The following RBM38 variants were observed in gnomAD, a reference collection of about 807,000 sequenced individuals.
RBM38 encodes the protein RNA binding motif protein 38.
A neutral mutation model predicts 23.5 loss-of-function variants in RBM38; 11 were observed. The ratio of observed to expected loss-of-function variants is 0.47; its 90% CI spans 0.29 to 0.77. The LOEUF (loss-of-function observed/expected upper bound fraction) is 0.77, where lower values mean the gene tolerates loss of function less well. Among genes scored for constraint, RBM38 ranks in the 30% least tolerant of loss-of-function variants. The pLI is 0.08. For synonymous variants in RBM38, 165 were observed against 166.1 expected, an observed-to-expected ratio of 0.99 and a Z score of 0.05; for missense variants, 330 against 351.9, an observed-to-expected ratio of 0.94 and a Z score of 0.50.
chr20:57,392,455 G>C, intron 1 of RBM38, 199 bp from the exon 2 acceptor site: 1 of 1,532,736 alleles, frequency 6.5e-7, no homozygotes, highest in Non-Finnish European at 8.7e-7. Flanking sequence ...GACGGGAGGA[G>C]CTGGAATCCA....
chr20:57,396,986 G>A (rs974695289), intron 3 of RBM38, among the ~76,000 whole-genome samples: 3 of 152,222 alleles, frequency 2.0e-5, no homozygotes, highest in Non-Finnish European at 4.4e-5. Flanking sequence ...GACAGGACAC[G>A]GCCACCACAG....
intron 3 of RBM38, among the ~76,000 whole-genome samples, chr20:57,401,394 C>T (rs992023404): frequency 2.6e-5 from 4 of 152,182 alleles, no homozygotes; most frequent in African/African-American, 7.2e-5. Context: ...GCCTGTCCCT[C>T]CAGCCTGCCC....
In RBM38 at chr20:57,392,587, G is replaced by A. The variant is rs576386174; in HGVS notation, c.238-67G>A. On this transcript the variant is annotated intron_variant, in intron 1 of 3. Coordinates refer to ENST00000356208, the MANE Select transcript of RBM38 (RefSeq NM_017495.6). ...GGTGGCAGCATCCGGTGCCAGGGCG[G>A]AGCCGTCTGCCCCTTTCGCCCCTGG... The A allele has an allele frequency of 6.6e-5, 102 of 1,543,436 alleles. 2 individuals are homozygous for A. In the South Asian group the frequency reaches 1.1e-3, roughly 17 times the overall value.
At chr20:57,404,765 G>A (rs920241434) in intron 3 of RBM38, among the ~76,000 whole-genome samples, 3 of 152,270 alleles carry the variant, frequency 2.0e-5, no homozygotes, top group Admixed American at 6.5e-5. Context: ...ATCGGGCAGC[G>A]TAGCGAGGTG....
intron 3 of RBM38, among the ~76,000 whole-genome samples, chr20:57,404,497 C>T (rs2067361883): frequency 6.6e-6 from 1 of 152,244 alleles, no homozygotes; most frequent in Non-Finnish European, 1.5e-5. Flanking sequence ...CCAGGGACAG[C>T]CTGCTGGGCA....
At chr20:57,395,765 AGAGCT>A (rs1383438459) in intron 3 of RBM38, among the ~76,000 whole-genome samples, 6 of 141,444 alleles carry the variant, frequency 4.2e-5, no homozygotes, top group Admixed American at 1.3e-4. Flanking sequence ...ACGGAGCTGG[AGAGCT>A]GGGCCGGAGC....
chr20:57,402,559 G>T (rs1357245051), intron 3 of RBM38, among the ~76,000 whole-genome samples: 2 of 152,222 alleles, frequency 1.3e-5, no homozygotes, highest in African/African-American at 4.8e-5. Context: ...GACACACTTG[G>T]TGGGTGGGGC....
Position 57,392,645 on chromosome 20 carries a change from C to T in RBM38, c.238-9C>T. On this transcript the variant is annotated splice_polypyrimidine_tract_variant and intron_variant, in intron 1 of 3. Transcript: ENST00000356208. ...CACGGCAGCCCCTGATGTGTCTCTGCTCCACCAGGTGACCATGGCCGACCG... is the reference window on the plus strand; with the variant it reads ...CACGGCAGCCCCTGATGTGTCTCTGTTCCACCAGGTGACCATGGCCGACCG... The T allele has an allele frequency of 1.2e-6, 2 of 1,609,712 alleles. No homozygotes were observed. Among genetic ancestry groups the T allele is most frequent in the Non-Finnish European group, 1.7e-6 (2 of 1,178,570 alleles).
Position 57,407,840 on chromosome 20 carries a change from G to T in RBM38, c.714G>T (p.Met238Ile). 1 of 1,561,304 alleles carries T rather than the reference G, an allele frequency of 6.4e-7. No homozygotes were observed. The highest frequency in any genetic ancestry group is 2.4e-5 in the East Asian group (1 of 42,134). The change falls in exon 4 of 4, where the codon ATG (methionine) becomes ATT (isoleucine). Residue 238 changes from methionine to isoleucine, a missense_variant. Coordinates refer to ENST00000356208, the MANE Select transcript of RBM38 (RefSeq NM_017495.6). This position sits in a 1 kb window ranked among gnomAD's most constrained non-coding sequence, Gnocchi z 4.0. Reference sequence around the variant, plus strand: ...CGCCGCAGCTGCAGCCTGACAGGATGCAGTGAGGGGCGTTCCTGCCCCGAG... The same window carrying T: ...CGCCGCAGCTGCAGCCTGACAGGATTCAGTGAGGGGCGTTCCTGCCCCGAG... ...YQAPQLQPDR[M>I]Q
chr20:57,407,559 A>G lies in RBM38; in HGVS notation c.433A>G (p.Ile145Val), dbSNP rs373452137. ...QRTYGLTPHY[I>V]YPPAIVQPSV... ...GCCCCACAGGCTGACCCCGCACTAC[A>G]TCTACCCACCAGCCATCGTGCAGCC... Residue 145 changes from isoleucine to valine, a missense_variant, in exon 4 of 4, where the codon ATC (isoleucine) becomes GTC (valine). This residue lies in a region of RBM38 where 227 missense variants were observed against 216.4 expected (regional missense o/e 1.05). Coordinates refer to ENST00000356208, the MANE Select transcript of RBM38 (RefSeq NM_017495.6). The surrounding 1 kb of genome is among the most constrained non-coding windows in gnomAD (Gnocchi z 4.0). 7.4e-6 allele frequency: 12 copies of G among 1,613,536 alleles called. No individual in the cohort carries two copies. The African/African-American group carries it at 8.0e-5, about 11-fold the overall frequency.
At position 57,407,450 on chromosome 20, in the gene RBM38, G is replaced by A; in HGVS notation, c.417-93G>A. On this transcript the variant is annotated intron_variant, in intron 3 of 3. Coordinates refer to ENST00000356208, the MANE Select transcript of RBM38 (RefSeq NM_017495.6). The surrounding 1 kb of genome is among the most constrained non-coding windows in gnomAD (Gnocchi z 4.0). ...CCGATGAGGAAAGTCGGGGCTCGGGGTGGGGGGCGGCACGCATCGTGTACC... is the reference window on the plus strand; with the variant it reads ...CCGATGAGGAAAGTCGGGGCTCGGGATGGGGGGCGGCACGCATCGTGTACC... 2.2e-6 allele frequency: 3 copies of A among 1,391,040 alleles called. No individual in the cohort carries two copies. The highest frequency in any genetic ancestry group is 2.9e-6 in the Non-Finnish European group (3 of 1,016,958). The allele number at this position is 1,391,040 out of a possible 1,614,324, so 86.2% of individuals were successfully genotyped here.
rs2067406515 is a variant in RBM38, at chr20:57,408,047, T to G, written c.*201T>G. On this transcript the variant is annotated 3_prime_UTR_variant, in exon 4 of 4. Coordinates refer to ENST00000356208, the MANE Select transcript of RBM38 (RefSeq NM_017495.6). The stretch of plus-strand genomic sequence containing the variant: ...TCTCTTTAATCTAGGTCCCATTGTG[T>G]CTTGAGGGAGGACTTTAAGAATGAC... 3.1e-6 allele frequency: 2 copies of G among 641,728 alleles called. No homozygotes were observed. The highest frequency in any genetic ancestry group is 5.9e-5 in the Admixed American group (2 of 33,896). The allele number at this position is 641,728 out of a possible 1,614,324, so 39.8% of individuals were successfully genotyped here.
intron 2 of RBM38, chr20:57,392,985 A>T: frequency 1.3e-6 from 1 of 748,908 alleles, no homozygotes; most frequent in Non-Finnish European, 2.1e-6. Flanking sequence ...GGCGGGGGGC[A>T]GGGAGGGTAC....
chr20:57,394,641 C>G (rs328492), intron 3 of RBM38, among the ~76,000 whole-genome samples: 83,889 of 151,838 alleles, frequency 0.55, 25,004 homozygotes, highest in East Asian at 0.95. Context: ...GTCCTGGAAT[C>G]TGTTTTGTAG....
intron 3 of RBM38, among the ~76,000 whole-genome samples, chr20:57,396,619 A>G (rs1033405368): frequency 3.9e-5 from 6 of 152,190 alleles, no homozygotes; most frequent in African/African-American, 1.2e-4. Flanking sequence ...ACTCCCGTTC[A>G]CAGAGTGCCT....
chr20:57,394,196 A>G (rs1420072601), intron 3 of RBM38, among the ~76,000 whole-genome samples: 1 of 152,114 alleles, frequency 6.6e-6, no homozygotes, highest in Non-Finnish European at 1.5e-5. Context: ...CCAGTTGATC[A>G]CGTGTGTGTG....
chr20:57,392,758 G>A lies in RBM38; in HGVS notation c.342G>A (p.Lys114=), dbSNP rs756877467. 1 of 1,613,132 alleles carries A rather than the reference G, an allele frequency of 6.2e-7. No homozygotes were observed. The highest frequency in any genetic ancestry group is 1.7e-5 in the Admixed American group (1 of 60,020). Residue 114 remains lysine, a synonymous_variant, in exon 2 of 4, where the codon AAG becomes AAA. Coordinates refer to ENST00000356208, the MANE Select transcript of RBM38 (RefSeq NM_017495.6). The part of the protein sequence containing the change: ...ANVNLAYLGA[K]PRSLQTGFAI... The stretch of plus-strand genomic sequence containing the variant: ...TGAACCTGGCATATCTGGGCGCCAA[G>A]CCGCGGAGCCTCCAGACGGGTGAGA...
intron 3 of RBM38, among the ~76,000 whole-genome samples, chr20:57,399,557 T>C (rs980978038): frequency 4.6e-5 from 7 of 152,226 alleles, no homozygotes; most frequent in African/African-American, 1.7e-4. Context: ...TGGAGGCAGC[T>C]GTGCAGTACA....
chr20:57,394,424 G>A (rs941464000), intron 3 of RBM38, among the ~76,000 whole-genome samples: 1 of 152,154 alleles, frequency 6.6e-6, no homozygotes, highest in Admixed American at 6.5e-5. Context: ...GGGTGACTCG[G>A]GGGCTCCCTG....
Sources: gnomAD v4.1 joint callset for allele counts (sites outside exome capture counted in the v4.1 genomes callset) on GRCh38, gnomAD v4.1.1 for gene constraint, gnomAD v4.1.1 regional missense constraint, Gnocchi (gnomAD v3.1) non-coding constraint, MANE v1.5 for transcripts, NCBI Gene and HGNC (gene_info 2026-07-23, HGNC 2026-07-21) for gene names.